The following GNB1 variants were observed in gnomAD, a reference collection of about 807,000 sequenced individuals.
The protein encoded by GNB1 is guanine nucleotide-binding protein G(I)/G(S)/G(T) subunit beta-1.
GNB1 carries 2 observed loss-of-function variants against 42.9 expected under a neutral mutation model. The ratio of observed to expected loss-of-function variants is 0.05; its 90% CI spans 0.02 to 0.15. The LOEUF (loss-of-function observed/expected upper bound fraction) is 0.15, where lower values mean the gene tolerates loss of function less well. Among genes scored for constraint, GNB1 ranks in the 10% least tolerant of loss-of-function variants. The pLI is 1.00. For missense variants in GNB1, 193 were observed against 462.2 expected, an observed-to-expected ratio of 0.42 and a Z score of 5.34; for synonymous variants, 183 against 174.7, an observed-to-expected ratio of 1.05 and a Z score of -0.38.
rs191687451 is a variant in GNB1, at chr1:1,790,820, G to A, written c.498-224C>T. ...ATACAGAGATGAGCACAGGGCCTGG[G>A]CTTCAGAATGACGGGATCGCTACCT... is the stretch of plus-strand genomic sequence containing the variant. On this transcript the variant is annotated intron_variant, in intron 8 of 11. Transcript: ENST00000378609. The surrounding 1 kb of genome is among the most constrained non-coding windows in gnomAD (Gnocchi z 5.4). Among the ~76,000 whole-genome samples the A allele has an allele frequency of 6.6e-6, 1 of 152,322 alleles. No individual in the cohort carries two copies. Among genetic ancestry groups the A allele is most frequent in the East Asian group, 1.9e-4 (1 of 5,184 alleles).
At chr1:1,865,922 C>T (rs1052067491) in intron 1 of GNB1, among the ~76,000 whole-genome samples, 69 of 151,980 alleles carry the variant, frequency 4.5e-4, no homozygotes, top group African/African-American at 1.6e-3. Flanking sequence ...GAGACCACGC[C>T]TGGCCTTGAA....
intron 1 of GNB1, among the ~76,000 whole-genome samples, chr1:1,889,776 G>C (rs956408287): frequency 1.3e-5 from 2 of 151,666 alleles, no homozygotes; most frequent in African/African-American, 4.8e-5. Flanking sequence ...AATATCATTT[G>C]AATCAACTAT....
At chr1:1,842,002 T>C (rs1647258714) in intron 1 of GNB1, among the ~76,000 whole-genome samples, 1 of 152,238 alleles carries the variant, frequency 6.6e-6, no homozygotes, top group Non-Finnish European at 1.5e-5. Flanking sequence ...CAATTGAATA[T>C]TATTCAGCTA....
intron 1 of GNB1, among the ~76,000 whole-genome samples, chr1:1,866,418 T>C (rs1302850528): frequency 9.2e-5 from 14 of 152,224 alleles, no homozygotes; most frequent in Admixed American, 8.5e-4. Flanking sequence ...TTTACTGTAT[T>C]GTGGTCATCT....
chr1:1,850,122 C>T (rs1647901187), intron 1 of GNB1, among the ~76,000 whole-genome samples: 1 of 151,836 alleles, frequency 6.6e-6, no homozygotes, highest in Admixed American at 6.6e-5. Flanking sequence ...CCCGCCACCA[C>T]ACCCAGCTAA....
At position 1,828,894 on chromosome 1, in the gene GNB1, T is replaced by TACAC. The variant is rs71578341; in HGVS notation, c.-46-3399_-46-3396dup. 6.7e-3 allele frequency among the ~76,000 whole-genome samples: 1,007 copies of TACAC among 149,840 alleles called. 6 individuals are homozygous for TACAC. The highest frequency in any genetic ancestry group is 0.01 in the African/African-American group (413 of 40,808). ...CTGTGTACACACACACATACACACA[T>TACAC]ACACACACACACACACACAATTTTT... On this transcript the variant is annotated intron_variant, in intron 2 of 11. Coordinates refer to ENST00000378609, the MANE Select transcript of GNB1 (RefSeq NM_002074.5).
chr1:1,882,815 G>C (rs1649927651), intron 1 of GNB1, among the ~76,000 whole-genome samples: 1 of 151,588 alleles, frequency 6.6e-6, no homozygotes, highest in African/African-American at 2.4e-5. Context: ...CAGCTACTCT[G>C]GAGGCTGAGG....
At chr1:1,874,550 T>G (rs1157360632) in intron 1 of GNB1, among the ~76,000 whole-genome samples, 1 of 128,124 alleles carries the variant, frequency 7.8e-6, no homozygotes, top group African/African-American at 3.0e-5. Flanking sequence ...GAGGTTGCAG[T>G]GAGACGAGAC....
intron 1 of GNB1, among the ~76,000 whole-genome samples, chr1:1,866,986 G>GC (rs1648977615): frequency 6.6e-6 from 1 of 151,834 alleles, no homozygotes; most frequent in African/African-American, 2.4e-5. Flanking sequence ...TCAATTCTAG[G>GC]CCGGGTGCAG....
chr1:1,834,691 T>G (rs1235388266), intron 2 of GNB1, among the ~76,000 whole-genome samples: 2 of 137,020 alleles, frequency 1.5e-5, no homozygotes, highest in Admixed American at 1.6e-4. Context: ...TTTTTTGAGA[T>G]GGAGTCTCAC....
intron 1 of GNB1, among the ~76,000 whole-genome samples, chr1:1,852,612 T>C (rs1648053177): frequency 6.6e-6 from 1 of 151,844 alleles, no homozygotes. Flanking sequence ...GGAGGACTGG[T>C]TGAGCCCAGG....
intron 4 of GNB1, 42 bp downstream of exon 4, chr1:1,817,795 C>T (rs764306642): frequency 1.3e-6 from 2 of 1,485,948 alleles, no homozygotes; most frequent in East Asian, 2.3e-5. Context: ...GTGCTAGCCT[C>T]CTCACAGGCA....
intron 1 of GNB1, among the ~76,000 whole-genome samples, chr1:1,876,554 C>G (rs953294268): frequency 2.6e-5 from 4 of 151,798 alleles, no homozygotes; most frequent in Non-Finnish European, 5.9e-5. Context: ...AGTGAGCAAG[C>G]GCACACACAT....
At position 1,817,186 on chromosome 1, in the gene GNB1, GAACTA is replaced by G. The variant is rs558571691; in HGVS notation, c.96+646_96+650del. On this transcript the variant is annotated intron_variant, in intron 4 of 11. Transcript: ENST00000378609. The stretch of plus-strand genomic sequence containing the variant: ...CTATTCTAGATATTTCATATAAATA[GAACTA>G]AACAATACATAGCCATTTGTTTGGC... 3.6e-4 allele frequency among the ~76,000 whole-genome samples: 55 copies of G among 152,196 alleles called. No homozygotes were observed. The South Asian group carries it at 4.6e-3, about 13-fold the overall frequency.
chr1:1,858,863 A>C (rs1648448398), intron 1 of GNB1, among the ~76,000 whole-genome samples: 1 of 152,188 alleles, frequency 6.6e-6, no homozygotes, highest in African/African-American at 2.4e-5. Flanking sequence ...GCTGTGATAA[A>C]AAAGCAAGCT....
At chr1:1,886,487 T>A (rs552134056) in intron 1 of GNB1, among the ~76,000 whole-genome samples, 2 of 152,340 alleles carry the variant, frequency 1.3e-5, no homozygotes, top group East Asian at 1.9e-4. Flanking sequence ...TCTCTCTTCA[T>A]ACACACTCAC....
At chr1:1,789,012 TA>T (rs779339908) in intron 10 of GNB1, 40 bp downstream of exon 10, 2 of 1,387,628 alleles carry the variant, frequency 1.4e-6, no homozygotes, top group South Asian at 2.3e-5. Flanking sequence ...AGATACCACG[TA>T]AATGTCCACA....
intron 1 of GNB1, among the ~76,000 whole-genome samples, chr1:1,855,985 C>T (rs1156253176): frequency 2.0e-5 from 3 of 152,208 alleles, no homozygotes; most frequent in Non-Finnish European, 4.4e-5. Context: ...GGACTCATGG[C>T]GTAAAGCAGC....
At chr1:1,838,933 TAA>T (rs1647186457) in intron 2 of GNB1, among the ~76,000 whole-genome samples, 1 of 152,074 alleles carries the variant, frequency 6.6e-6, no homozygotes, top group African/African-American at 2.4e-5. Flanking sequence ...AACTTTGGCT[TAA>T]AAGAGATAGA....
Sources: allele counts gnomAD v4.1 joint callset (sites outside exome capture counted in the v4.1 genomes callset), GRCh38; gene constraint gnomAD v4.1.1; non-coding constraint Gnocchi (gnomAD v3.1); transcripts MANE v1.5; gene names NCBI Gene and HGNC (gene_info 2026-07-23, HGNC 2026-07-21).